COL24A1: variants seen among roughly 807,000 people sequenced by gnomAD.
COL24A1 encodes the protein collagen type XXIV alpha 1 chain.
In COL24A1, 224 loss-of-function variants were observed where a neutral mutation model predicts 253.9. That is an observed-to-expected ratio of 0.88 (90% CI 0.79 to 0.99). COL24A1 has a LOEUF of 0.99. Ranked by LOEUF, COL24A1 falls within the 50% of genes least tolerant of loss-of-function variation. The pLI is 0.00. For synonymous variants in COL24A1, 685 were observed against 673.7 expected (o/e 1.02, Z -0.26); for missense variants, 2,131 against 2,068.5 (o/e 1.03, Z -0.59).
At chr1:85,784,045 CT>C (rs1669409090) in intron 50 of COL24A1, 67 bp downstream of exon 50, 1 of 1,247,322 alleles carries the variant, frequency 8.0e-7, no homozygotes, top group Non-Finnish European at 1.1e-6. Flanking sequence ...AAGTTACAGA[CT>C]ATATTATTTC....
At chr1:86,001,801 AG>A (rs1695442356) in intron 19 of COL24A1, among the ~76,000 whole-genome samples, 1 of 152,182 alleles carries the variant, frequency 6.6e-6, no homozygotes, top group Non-Finnish European at 1.5e-5. Flanking sequence ...CAGGAAAAAA[AG>A]TTCTTCAACA....
chr1:85,964,341 T>A (rs1269404709), intron 23 of COL24A1, among the ~76,000 whole-genome samples: 1 of 152,142 alleles, frequency 6.6e-6, no homozygotes, highest in Non-Finnish European at 1.5e-5. Flanking sequence ...TATATCTTTT[T>A]AATATCATAA....
At chr1:86,012,588 C>T (rs1330983957) in intron 19 of COL24A1, among the ~76,000 whole-genome samples, 2 of 148,216 alleles carry the variant, frequency 1.3e-5, no homozygotes, top group South Asian at 2.2e-4. Flanking sequence ...GACTCTGTCT[C>T]AAAAAATAAA....
At chr1:86,098,547 G>A (rs375692695) in intron 5 of COL24A1, among the ~76,000 whole-genome samples, 2 of 152,150 alleles carry the variant, frequency 1.3e-5, no homozygotes, top group African/African-American at 2.4e-5. Context: ...CAGTTTGGGG[G>A]TTTAGCCACA....
chr1:85,967,583 A>G (rs180827728), intron 22 of COL24A1, among the ~76,000 whole-genome samples: 10 of 152,304 alleles, frequency 6.6e-5, no homozygotes, highest in Admixed American at 5.2e-4. Flanking sequence ...AGTAAAGGGT[A>G]TGACTGTAGC....
intron 47 of COL24A1, among the ~76,000 whole-genome samples, chr1:85,813,068 T>G (rs536313916): frequency 9.1e-4 from 138 of 152,170 alleles, no homozygotes; most frequent in African/African-American, 3.2e-3. Flanking sequence ...GCACGAATTA[T>G]ATGTCAGAAG....
chr1:85,759,666 G>A (rs1242366561), intron 55 of COL24A1, among the ~76,000 whole-genome samples: 1 of 152,136 alleles, frequency 6.6e-6, no homozygotes, highest in Admixed American at 6.6e-5. Flanking sequence ...TTCAACACAC[G>A]TATTTTCTTA....
At chr1:85,774,489 A>G (rs898234735) in intron 53 of COL24A1, among the ~76,000 whole-genome samples, 5 of 152,088 alleles carry the variant, frequency 3.3e-5, no homozygotes, top group Middle Eastern at 3.4e-3. Context: ...GGCTGTGAAT[A>G]TGTTTGGTCC....
chr1:85,827,208 G>A lies in COL24A1; in HGVS notation c.3682-3470C>T, dbSNP rs181631249. On this transcript the variant is annotated intron_variant, in intron 43 of 59. Transcript: ENST00000370571. ...TCATGTGGTTTTTGTCTTTGGTTCTGTTTATATGGTGGATTACATTTATTG... is the reference window on the plus strand; with the variant it reads ...TCATGTGGTTTTTGTCTTTGGTTCTATTTATATGGTGGATTACATTTATTG... Among the ~76,000 whole-genome samples, 161 of 152,088 alleles carry A rather than the reference G, an allele frequency of 1.1e-3. 4 individuals are homozygous for A. Among genetic ancestry groups the A allele is most frequent in the Admixed American group, 9.0e-3 (137 of 15,214 alleles).
At chr1:85,916,259 C>A (rs968242913) in intron 24 of COL24A1, among the ~76,000 whole-genome samples, 7 of 152,034 alleles carry the variant, frequency 4.6e-5, no homozygotes, top group African/African-American at 1.7e-4. Context: ...TATACATGGC[C>A]CATTTTACTT....
chr1:85,924,327 A>G (rs1473589891), intron 24 of COL24A1, among the ~76,000 whole-genome samples: 3 of 152,258 alleles, frequency 2.0e-5, no homozygotes, highest in Non-Finnish European at 4.4e-5. Flanking sequence ...TTATGAGGCC[A>G]GCATCATCCT....
intron 41 of COL24A1, 127 bp from the exon 42 acceptor site, chr1:85,841,405 T>C: frequency 1.6e-6 from 1 of 620,402 alleles, no homozygotes. Flanking sequence ...AGTGGAAAAC[T>C]TTGATGTAAG....
At chr1:86,108,904 T>G (rs1705276999) in intron 5 of COL24A1, among the ~76,000 whole-genome samples, 1 of 152,258 alleles carries the variant, frequency 6.6e-6, no homozygotes, top group South Asian at 2.1e-4. Flanking sequence ...CGCTACTGGC[T>G]GAAGTATTAG....
intron 53 of COL24A1, among the ~76,000 whole-genome samples, chr1:85,770,595 T>C (rs904589298): frequency 1.3e-5 from 2 of 151,826 alleles, no homozygotes; most frequent in Non-Finnish European, 1.5e-5. Context: ...ATAATCAAAT[T>C]ACTTGCTTAT....
chr1:85,906,262 G>GTATTTTTTTTTTTTTTTTTTTTTTT, intron 28 of COL24A1, among the ~76,000 whole-genome samples: 1 of 14,052 alleles, frequency 7.1e-5, no homozygotes, highest in African/African-American at 2.8e-4. Flanking sequence ...AAACTGCAAG[G>GTATTTTTTTTTTTTTTTTTTTTTTT]TCTTTTTTTT....
At chr1:85,859,549 C>A (rs555698146) in intron 37 of COL24A1, among the ~76,000 whole-genome samples, 4 of 152,086 alleles carry the variant, frequency 2.6e-5, no homozygotes, top group African/African-American at 9.6e-5. Context: ...CAGAAAGGTC[C>A]CCCCTGGTTA....
chr1:86,080,848 A>T (rs937552188), intron 7 of COL24A1, among the ~76,000 whole-genome samples: 1 of 152,148 alleles, frequency 6.6e-6, no homozygotes, highest in African/African-American at 2.4e-5. Flanking sequence ...AATCATAAGG[A>T]AAACAGTAGT....
chr1:85,885,825 A>T (rs1232318874), intron 32 of COL24A1, among the ~76,000 whole-genome samples: 1 of 152,134 alleles, frequency 6.6e-6, no homozygotes, highest in African/African-American at 2.4e-5. Context: ...TATGGGTGCA[A>T]ATGTCCTTTG....
chr1:85,887,481 T>G (rs114712499), intron 32 of COL24A1, among the ~76,000 whole-genome samples: 2,190 of 152,208 alleles, frequency 0.014, 43 homozygotes, highest in African/African-American at 0.05. Flanking sequence ...CAAACTTTTT[T>G]TTTTTTTCAA....
Sources: allele counts gnomAD v4.1 joint callset (sites outside exome capture counted in the v4.1 genomes callset), GRCh38; gene constraint gnomAD v4.1.1; transcripts MANE v1.5; gene names NCBI Gene and HGNC (gene_info 2026-07-23, HGNC 2026-07-21).